BNC2: variants seen among roughly 807,000 people sequenced by gnomAD.
The protein encoded by BNC2 is zinc finger protein basonuclin-2.
Under a neutral mutation model 76.3 loss-of-function variants are expected in BNC2, and 20 were observed. The observed-to-expected ratio is 0.26, with a 90% CI of 0.18 to 0.38. The LOEUF is 0.38. Among genes scored for constraint, BNC2 ranks in the 10% least tolerant of loss-of-function variants. The pLI is 1.00. For synonymous variants in BNC2, 582 were observed against 514.8 expected (o/e 1.13, Z -1.77); for missense variants, 1,382 against 1,399.8 (o/e 0.99, Z 0.20).
At chr9:16,576,665 C>A (rs571960204) in intron 4 of BNC2, among the ~76,000 whole-genome samples, 3 of 152,174 alleles carry the variant, frequency 2.0e-5, no homozygotes, top group Admixed American at 6.5e-5. Context: ...ATGCCTCCAA[C>A]GAACTTGAGG....
intron 1 of BNC2, among the ~76,000 whole-genome samples, chr9:16,742,073 T>A (rs1173853453): frequency 1.3e-5 from 2 of 149,926 alleles, no homozygotes; most frequent in African/African-American, 4.9e-5. Flanking sequence ...ATGAAGAAAA[T>A]AAAGTAAAAC....
intron 3 of BNC2, among the ~76,000 whole-genome samples, chr9:16,647,268 G>A (rs935168622): frequency 6.6e-6 from 1 of 152,134 alleles, no homozygotes; most frequent in Non-Finnish European, 1.5e-5. Context: ...AAAGGGGTAG[G>A]TGGTAGGTTA....
chr9:16,705,584 T>C (rs1372966189), intron 3 of BNC2, among the ~76,000 whole-genome samples: 2 of 152,190 alleles, frequency 1.3e-5, no homozygotes, highest in African/African-American at 4.8e-5. Flanking sequence ...TTATTATTAC[T>C]GCTACTATTG....
intron 3 of BNC2, among the ~76,000 whole-genome samples, chr9:16,684,084 GT>G (rs756870659): frequency 1.1e-3 from 171 of 151,424 alleles, no homozygotes; most frequent in African/African-American, 3.8e-3. Context: ...TACTCAATAG[GT>G]TTTTTTTTCC....
At chr9:16,716,200 C>T (rs1490045114) in intron 3 of BNC2, among the ~76,000 whole-genome samples, 2 of 152,134 alleles carry the variant, frequency 1.3e-5, no homozygotes, top group Non-Finnish European at 2.9e-5. Flanking sequence ...TGAAAATGTA[C>T]TGTAATATGA....
chr9:16,790,516 T>C (rs1245923828), intron 1 of BNC2, among the ~76,000 whole-genome samples: 1 of 152,258 alleles, frequency 6.6e-6, no homozygotes, highest in Non-Finnish European at 1.5e-5. Flanking sequence ...TTATTCTCGT[T>C]GCTAATTTAC....
chr9:16,521,131 A>C (rs1238121125), intron 5 of BNC2, among the ~76,000 whole-genome samples: 9 of 152,236 alleles, frequency 5.9e-5, no homozygotes, highest in Admixed American at 5.9e-4. Context: ...TCTTAAAGAT[A>C]AAGAATGGCT....
chr9:16,521,800 G>T (rs1213386695), intron 5 of BNC2, among the ~76,000 whole-genome samples: 1 of 152,092 alleles, frequency 6.6e-6, no homozygotes, highest in Non-Finnish European at 1.5e-5. Context: ...AGCAGAGGGG[G>T]GTGTAACATT....
At chr9:16,629,929 C>T (rs946635792) in intron 3 of BNC2, among the ~76,000 whole-genome samples, 21 of 152,226 alleles carry the variant, frequency 1.4e-4, no homozygotes, top group South Asian at 2.1e-4. Context: ...ATAAAATAGA[C>T]GGTTTGCCGC....
At chr9:16,768,507 T>C (rs1259996137) in intron 1 of BNC2, among the ~76,000 whole-genome samples, 5 of 152,068 alleles carry the variant, frequency 3.3e-5, no homozygotes, top group East Asian at 3.9e-4. Flanking sequence ...TGTGTTTAGT[T>C]TGGGATATGT....
At chr9:16,836,138 A>T (rs1818700683) in intron 1 of BNC2, among the ~76,000 whole-genome samples, 1 of 152,216 alleles carries the variant, frequency 6.6e-6, no homozygotes, top group African/African-American at 2.4e-5. Context: ...CCTCACAGCA[A>T]GACGGTCCTG....
In BNC2 at chr9:16,819,035, AC is replaced by A. The variant is rs1818251972; in HGVS notation, c.3+51610del. On this transcript the variant is annotated intron_variant, in intron 1 of 6. Coordinates refer to ENST00000380672, the MANE Select transcript of BNC2 (RefSeq NM_017637.6). The stretch of plus-strand genomic sequence containing the variant: ...ATCAGAAAATCAAACAAGTAATCTA[AC>A]AAAAATTAGTGAACAAAAGAGGGAC... Among the ~76,000 whole-genome samples, 7 of 152,198 alleles carry A rather than the reference AC, an allele frequency of 4.6e-5. 1 individual carries two copies. The highest frequency in any genetic ancestry group is 3.9e-4 in the Admixed American group (6 of 15,286).
chr9:16,791,954 T>G (rs890106797), intron 1 of BNC2, among the ~76,000 whole-genome samples: 12 of 151,856 alleles, frequency 7.9e-5, no homozygotes, highest in Non-Finnish European at 1.6e-4. Context: ...ATACAAAAAT[T>G]AGCCAGGTGT....
At chr9:16,661,174 G>A (rs1253834127) in intron 3 of BNC2, among the ~76,000 whole-genome samples, 1 of 152,184 alleles carries the variant, frequency 6.6e-6, no homozygotes. Context: ...AGAGAAAGAA[G>A]GTGTGAGCCC....
chr9:16,869,247 A>C (rs947592062), intron 1 of BNC2, among the ~76,000 whole-genome samples: 2 of 152,080 alleles, frequency 1.3e-5, no homozygotes, highest in Non-Finnish European at 2.9e-5. Flanking sequence ...ACTTTTTGCC[A>C]CTTTAATCCT....
rs188944064 is a variant in BNC2 at position 16,512,272 on chromosome 9, A to G, written c.669+40258T>C. Among the ~76,000 whole-genome samples, 32 of 152,350 alleles carry G rather than the reference A, an allele frequency of 2.1e-4. No individual in the cohort carries two copies. The East Asian group carries it at 6.2e-3, about 29-fold the overall frequency. Reference sequence around the variant, plus strand: ...GAAGGACTGAGTACTTTTAAAAATCATGCTATTTCAACATGTGGTAAATAA... The same window carrying G: ...GAAGGACTGAGTACTTTTAAAAATCGTGCTATTTCAACATGTGGTAAATAA... On this transcript the variant is annotated intron_variant, in intron 5 of 6. Transcript: ENST00000380672.
intron 1 of BNC2, among the ~76,000 whole-genome samples, chr9:16,738,794 G>A (rs1824755607): frequency 6.6e-6 from 1 of 151,748 alleles, no homozygotes; most frequent in Non-Finnish European, 1.5e-5. Context: ...ACTGCTGTTA[G>A]GGAATACTAA....
intron 5 of BNC2, among the ~76,000 whole-genome samples, chr9:16,458,164 T>C (rs1821496262): frequency 6.6e-6 from 1 of 152,170 alleles, no homozygotes; most frequent in African/African-American, 2.4e-5. Context: ...CCTACCATTA[T>C]AAACTGTGCA....
At chr9:16,589,688 T>G (rs1819870666) in intron 3 of BNC2, among the ~76,000 whole-genome samples, 1 of 152,042 alleles carries the variant, frequency 6.6e-6, no homozygotes, top group East Asian at 2.0e-4. Flanking sequence ...TTTTATATTT[T>G]TAGTAGAGAC....
Sources: allele counts gnomAD v4.1 joint callset (sites outside exome capture counted in the v4.1 genomes callset), GRCh38; gene constraint gnomAD v4.1.1; transcripts MANE v1.5; gene names NCBI Gene and HGNC (gene_info 2026-07-23, HGNC 2026-07-21).